The following PID1 variants were observed in gnomAD, a reference collection of about 807,000 sequenced individuals.
PID1 encodes the protein phosphotyrosine interaction domain containing 1.
In PID1, 10 loss-of-function variants were observed where a neutral mutation model predicts 19.1. The observed-to-expected ratio is 0.52, with a 90% CI of 0.32 to 0.89. The LOEUF (loss-of-function observed/expected upper bound fraction) is 0.89. Ranked by LOEUF, PID1 falls within the 40% of genes least tolerant of loss-of-function variation. PID1 has a pLI of 0.03. For missense variants in PID1, 248 were observed against 285.3 expected, an observed-to-expected ratio of 0.87 and a Z score of 0.94; for synonymous variants, 130 against 116.0, an observed-to-expected ratio of 1.12 and a Z score of -0.78.
intron 2 of PID1, among the ~76,000 whole-genome samples, chr2:229,029,839 C>CA (rs35968488): frequency 0.51 from 58,170 of 113,752 alleles, 12,730 homozygotes; most frequent in African/African-American, 0.57. Flanking sequence ...CACTCCGTCT[C>CA]AAAAAAAAAA....
chr2:229,109,100 T>C (rs974215340), intron 2 of PID1, among the ~76,000 whole-genome samples: 2 of 152,222 alleles, frequency 1.3e-5, no homozygotes, highest in African/African-American at 4.8e-5. Flanking sequence ...TCGAGACTTT[T>C]AGGTGATTAC....
rs572013418 is a variant in PID1 at position 229,119,768 on chromosome 2, A to G, written c.177+36050T>C. 1.2e-4 allele frequency among the ~76,000 whole-genome samples: 18 copies of G among 152,356 alleles called. No individual in the cohort carries two copies. The South Asian group carries it at 3.5e-3, about 30-fold the overall frequency. On this transcript the variant is annotated intron_variant, in intron 2 of 2. Coordinates refer to ENST00000392055, the MANE Select transcript of PID1 (RefSeq NM_001100818.2). ...GGATGTGTGTGAAGTTATTTCTGGA[A>G]GACATTATCATTTGAATTGTGGACT... is the stretch of plus-strand genomic sequence containing the variant.
intron 1 of PID1, among the ~76,000 whole-genome samples, chr2:229,190,352 C>G (rs1691230091): frequency 6.6e-6 from 1 of 152,186 alleles, no homozygotes; most frequent in Admixed American, 6.5e-5. Context: ...CGAGCTATAC[C>G]CCAGGCTGCA....
intron 1 of PID1, among the ~76,000 whole-genome samples, chr2:229,260,256 G>A (rs1449994840): frequency 6.6e-6 from 1 of 151,828 alleles, no homozygotes; most frequent in Non-Finnish European, 1.5e-5. Flanking sequence ...AAAATTTATA[G>A]CAGTATTATT....
intron 1 of PID1, among the ~76,000 whole-genome samples, chr2:229,175,222 A>G (rs1690796357): frequency 6.6e-6 from 1 of 152,344 alleles, no homozygotes; most frequent in African/African-American, 2.4e-5. Flanking sequence ...TAATCAGAAC[A>G]TGACACAGAC....
At chr2:229,045,603 A>T (rs1241663925) in intron 2 of PID1, among the ~76,000 whole-genome samples, 1 of 152,362 alleles carries the variant, frequency 6.6e-6, no homozygotes, top group Non-Finnish European at 1.5e-5. Context: ...TTTGCACAAA[A>T]CTTGTGAACA....
intron 1 of PID1, chr2:229,262,824 A>T (rs1311207491): frequency 4.5e-6 from 7 of 1,550,788 alleles, no homozygotes; most frequent in Admixed American, 3.9e-5. Flanking sequence ...TTATGATGCC[A>T]TAACTCCGGT....
At chr2:229,269,576 C>T (rs1690680913) in intron 1 of PID1, among the ~76,000 whole-genome samples, 1 of 152,262 alleles carries the variant, frequency 6.6e-6, no homozygotes, top group South Asian at 2.1e-4. Context: ...AACCTGCCAG[C>T]TCCCCTCAAT....
chr2:229,069,157 G>GTA (rs1347884369), intron 2 of PID1, among the ~76,000 whole-genome samples: 3 of 151,560 alleles, frequency 2.0e-5, no homozygotes, highest in Non-Finnish European at 2.9e-5. Flanking sequence ...GTGTGTGTGT[G>GTA]TGTGTGTGTG....
chr2:229,127,030 C>T (rs771419179), intron 2 of PID1, among the ~76,000 whole-genome samples: 8 of 152,160 alleles, frequency 5.3e-5, no homozygotes, highest in Non-Finnish European at 1.0e-4. Context: ...TGGATGCCAG[C>T]GGGGAGAGAG....
chr2:229,166,467 A>G (rs1188118605), intron 1 of PID1, among the ~76,000 whole-genome samples: 1 of 152,218 alleles, frequency 6.6e-6, no homozygotes, highest in Non-Finnish European at 1.5e-5. Flanking sequence ...CAGAGAAAAA[A>G]TAGTTTCAAG....
rs924968821 is a variant in PID1, at chr2:229,065,239, C to G, written c.178-39131G>C. Among the ~76,000 whole-genome samples the G allele has an allele frequency of 2.0e-5, 3 of 152,152 alleles. No individual in the cohort carries two copies. In the South Asian group the frequency reaches 6.2e-4, roughly 32 times the overall value. On this transcript the variant is annotated intron_variant, in intron 2 of 2. Coordinates refer to ENST00000392055, the MANE Select transcript of PID1 (RefSeq NM_001100818.2). ...TGACCGCCAGCCAAAATCCAGGATT[C>G]TATAGCTGCCTTCCTTTGAGAAATA...
intron 2 of PID1, among the ~76,000 whole-genome samples, chr2:229,085,364 C>A (rs1694744301): frequency 6.6e-6 from 1 of 152,076 alleles, no homozygotes; most frequent in African/African-American, 2.4e-5. Flanking sequence ...AGTCTTCTGA[C>A]CTCCGTAAGA....
intron 1 of PID1, among the ~76,000 whole-genome samples, chr2:229,222,855 T>TCACATACAAA (rs1559292013): frequency 8.6e-6 from 1 of 115,882 alleles, no homozygotes; most frequent in African/African-American, 3.8e-5. Flanking sequence ...AAAAGTCTCT[T>TCACATACAAA]CACACACAAA....
chr2:229,047,048 A>C (rs943864701), intron 2 of PID1, among the ~76,000 whole-genome samples: 10 of 152,208 alleles, frequency 6.6e-5, no homozygotes, highest in Non-Finnish European at 1.5e-4. Context: ...TTCCAAGGAA[A>C]TGTCCTCTAT....
rs556334118 is a variant in PID1, at chr2:229,248,692, TTCTTA to T, written c.30+22317_30+22321del. The stretch of plus-strand genomic sequence containing the variant: ...TTTTATTGTAAGGAAGAGCTTACCT[TTCTTA>T]TCTATTTATTTGTTTGCTTATTCCT... On this transcript the variant is annotated intron_variant, in intron 1 of 2. Transcript: ENST00000392055. Among the ~76,000 whole-genome samples, 239 of 152,328 alleles carry T rather than the reference TTCTTA, an allele frequency of 1.6e-3. 1 individual carries two copies. Among genetic ancestry groups the T allele is most frequent in the Middle Eastern group, 0.01 (3 of 294 alleles).
chr2:229,066,803 C>T (rs1694335858), intron 2 of PID1, among the ~76,000 whole-genome samples: 1 of 152,048 alleles, frequency 6.6e-6, no homozygotes, highest in Non-Finnish European at 1.5e-5. Flanking sequence ...AGCAAACCAG[C>T]AGGTAAATCA....
intron 1 of PID1, among the ~76,000 whole-genome samples, chr2:229,165,370 C>A (rs1283364592): frequency 2.0e-5 from 3 of 152,100 alleles, no homozygotes; most frequent in Non-Finnish European, 2.9e-5. Context: ...AAGGCTGAGA[C>A]AGGCAGACCG....
At chr2:229,037,050 C>T (rs1693679061) in intron 2 of PID1, among the ~76,000 whole-genome samples, 1 of 152,086 alleles carries the variant, frequency 6.6e-6, no homozygotes, top group Admixed American at 6.5e-5. Flanking sequence ...ATCAAACATG[C>T]CGATTTTATA....
Sources: gnomAD v4.1 joint callset for allele counts (sites outside exome capture counted in the v4.1 genomes callset) on GRCh38, gnomAD v4.1.1 for gene constraint, MANE v1.5 for transcripts, NCBI Gene and HGNC (gene_info 2026-07-23, HGNC 2026-07-21) for gene names.